Variants in LAMC3 observed in about 807,000 individuals in gnomAD.
LAMC3 encodes the protein laminin subunit gamma-3.
LAMC3 carries 128 observed loss-of-function variants against 173.8 expected under a neutral mutation model. The ratio of observed to expected loss-of-function variants is 0.74; its 90% confidence interval spans 0.64 to 0.85. LAMC3 has a LOEUF of 0.85. Ranked by LOEUF, LAMC3 falls within the 40% of genes least tolerant of loss-of-function variation. LAMC3 has a pLI of 0.00. For synonymous variants in LAMC3, 897 were observed against 909.1 expected, an observed-to-expected ratio of 0.99 and a Z score of 0.24; for missense variants, 2,022 against 2,156.0, an observed-to-expected ratio of 0.94 and a Z score of 1.23.
At chr9:131,074,372 C>T (rs1413509353) in intron 20 of LAMC3, among the ~76,000 whole-genome samples, 1 of 152,000 alleles carries the variant, frequency 6.6e-6, no homozygotes, top group Non-Finnish European at 1.5e-5. Context: ...TGTTAACAGA[C>T]ACTTGGGTTG....
At position 131,052,956 on chromosome 9, in the gene LAMC3, A is replaced by G. The variant is rs1411103317; in HGVS notation, c.1930A>G (p.Ser644Gly). The change falls in exon 11 of 28, where the codon AGC becomes GGC. Residue 644 changes from serine (S) to glycine (G), a missense_variant. Transcript: ENST00000361069. The stretch of plus-strand genomic sequence containing the variant: ...CCGCCTCCGCGTCAGTCCCGGCCCC[A>G]GCCCTGCCGGTCAGTAAAGACAACC... ...SLRLRVSPGPSPAGPVFLTEV... is the reference protein window; with the variant it reads ...SLRLRVSPGPGPAGPVFLTEV... The G allele has an allele frequency of 3.1e-6, 5 of 1,612,086 alleles. No homozygotes were observed. The South Asian group carries it at 3.3e-5, about 11-fold the overall frequency.
rs112850747 is a variant in LAMC3, at chr9:131,039,048, G to C, written c.1161G>C (p.Ser387=). Residue 387 remains serine (S), a synonymous_variant, in exon 5 of 28, where the codon TCG becomes TCC. Coordinates refer to ENST00000361069, the MANE Select transcript of LAMC3 (RefSeq NM_006059.4). ...RMPCQPCDCQ[S]AGSLHLQCDD... is the part of the protein sequence containing the mutation. Reference sequence around the variant, plus strand: ...CATGCCAGCCCTGTGACTGCCAGTCGGCAGGTGAGTGGACTCCACATCCCC... The same window carrying C: ...CATGCCAGCCCTGTGACTGCCAGTCCGCAGGTGAGTGGACTCCACATCCCC... 1.7e-5 allele frequency: 27 copies of C among 1,613,126 alleles called. No homozygotes were observed. The highest frequency in any genetic ancestry group is 1.6e-4 in the African/African-American group (12 of 75,006).
In LAMC3 at chr9:131,057,011, A is replaced by G. The variant is rs889347911; in HGVS notation, c.2022A>G (p.Ser674=). The change falls in exon 12 of 28, where the codon TCA becomes TCG. Residue 674 remains serine (S), a synonymous_variant. Transcript: ENST00000361069. ...SPPASWVEIC[S]CPTGYTGQFC... ...CAGCCTCCTGGGTGGAGATTTGTTC[A>G]TGTCCCACTGGCTACACGGGCCAGT... The G allele has an allele frequency of 6.2e-7, 1 of 1,614,068 alleles. No homozygotes were observed. The highest frequency in any genetic ancestry group is 8.5e-7 in the Non-Finnish European group (1 of 1,180,014).
chr9:131,066,837 C>G, intron 13 of LAMC3, 123 bp from the exon 14 acceptor site: 1 of 1,355,332 alleles, frequency 7.4e-7, no homozygotes, highest in Non-Finnish European at 1.0e-6. Context: ...GTCCCAGGTC[C>G]TCCTGCCCAA....
chr9:131,023,576 T>C (rs930501564), intron 1 of LAMC3, among the ~76,000 whole-genome samples: 3 of 152,230 alleles, frequency 2.0e-5, no homozygotes, highest in Non-Finnish European at 4.4e-5. Flanking sequence ...TATATCCACT[T>C]TGCAGAAATG....
chr9:131,058,963 CAA>C (rs1430706566), intron 12 of LAMC3, among the ~76,000 whole-genome samples: 8 of 150,778 alleles, frequency 5.3e-5, no homozygotes, highest in East Asian at 3.9e-4. Flanking sequence ...TTTGGGAGGC[CAA>C]GGCAGGTGGA....
At chr9:131,021,148 A>T (rs1833616765) in intron 1 of LAMC3, 1 of 152,076 alleles carries the variant, frequency 6.6e-6, no homozygotes, top group Non-Finnish European at 1.5e-5. Context: ...GAGTTGCAAA[A>T]ATTCTCTCTC....
chr9:131,041,624 G>A lies in LAMC3; in HGVS notation c.1284-13G>A, dbSNP rs747648800. On this transcript the variant is annotated splice_polypyrimidine_tract_variant and intron_variant, in intron 6 of 27. Coordinates refer to ENST00000361069, the MANE Select transcript of LAMC3 (RefSeq NM_006059.4). The stretch of plus-strand genomic sequence containing the variant: ...TCATTGCACATTTTCCTCTTGTCCT[G>A]TCTCATTGGCAGACCCTGCACTTGC... The A allele has an allele frequency of 1.2e-6, 2 of 1,612,752 alleles. No individual in the cohort carries two copies. Among genetic ancestry groups the A allele is most frequent in the African/African-American group, 1.3e-5 (1 of 74,926 alleles).
chr9:131,050,747 G>A (rs1190960615), intron 9 of LAMC3, among the ~76,000 whole-genome samples: 4 of 150,322 alleles, frequency 2.7e-5, no homozygotes, highest in Admixed American at 6.6e-5. Flanking sequence ...CAGCCTGGGC[G>A]ACAGAGTGAG....
At chr9:131,065,353 CA>C (rs1405414335) in intron 13 of LAMC3, among the ~76,000 whole-genome samples, 9 of 152,230 alleles carry the variant, frequency 5.9e-5, no homozygotes, top group African/African-American at 1.9e-4. Context: ...AAGCCCAGGT[CA>C]AACCCAGAAA....
Position 131,072,454 on chromosome 9 carries a change from C to G in LAMC3, c.3212-176C>G, listed in dbSNP as rs1201986904. 2.0e-5 allele frequency among the ~76,000 whole-genome samples: 3 copies of G among 152,158 alleles called. No individual in the cohort carries two copies. In the East Asian group the frequency reaches 5.8e-4, roughly 29 times the overall value. On this transcript the variant is annotated intron_variant, in intron 18 of 27. Coordinates refer to ENST00000361069, the MANE Select transcript of LAMC3 (RefSeq NM_006059.4). ...GGACCTCGGGTCATGTTTGCCTTCTCTGGGCCTCGGCCTGCACCTGGAAAA... is the reference window on the plus strand; with the variant it reads ...GGACCTCGGGTCATGTTTGCCTTCTGTGGGCCTCGGCCTGCACCTGGAAAA...
At chr9:131,055,667 C>T (rs181952343) in intron 11 of LAMC3, among the ~76,000 whole-genome samples, 362 of 151,854 alleles carry the variant, frequency 2.4e-3, no homozygotes, top group African/African-American at 8.3e-3. Context: ...CCTTATGATT[C>T]GCCCGCCTCA....
In LAMC3 at chr9:131,087,816, G is replaced by C; in HGVS notation, c.4476G>C (p.Leu1492=). ...CCTTGTCAGAGCTGCTTGCCAGGCT[G>C]GGTAAGGAGGCCCTAAGGCTGGGCC... ...IETLSELLAR[L]GSLDTHQAPA... is the part of the protein sequence containing the mutation. The change falls in exon 27 of 28, where the codon CTG becomes CTC. Residue 1492 remains leucine (L), a splice_region_variant and synonymous_variant. Transcript: ENST00000361069. 1 of 1,613,696 alleles carries C rather than the reference G, an allele frequency of 6.2e-7. No individual in the cohort carries two copies. The highest frequency in any genetic ancestry group is 8.5e-7 in the Non-Finnish European group (1 of 1,179,824).
intron 27 of LAMC3, 103 bp downstream of exon 27, chr9:131,087,920 C>T (rs1830360367): frequency 2.3e-6 from 2 of 883,850 alleles, no homozygotes; most frequent in East Asian, 5.2e-5. Flanking sequence ...TCCTTGTCCT[C>T]ATTGCCATGC....
Position 131,077,180 on chromosome 9 carries a change from C to T in LAMC3, c.3630-7C>T, listed in dbSNP as rs1010987113. 6.2e-7 allele frequency: 1 copy of T among 1,613,186 alleles called. No homozygotes were observed. The highest frequency in any genetic ancestry group is 8.5e-7 in the Non-Finnish European group (1 of 1,180,016). On this transcript the variant is annotated splice_polypyrimidine_tract_variant and splice_region_variant and intron_variant, in intron 21 of 27. Coordinates refer to ENST00000361069, the MANE Select transcript of LAMC3 (RefSeq NM_006059.4). ...CACCCAGCTCCGTGGCCTCTGCTTCCTCCCAGGTACCAGGAGGTCCAGGCG... is the reference window on the plus strand; with the variant it reads ...CACCCAGCTCCGTGGCCTCTGCTTCTTCCCAGGTACCAGGAGGTCCAGGCG...
At position 131,086,575 on chromosome 9, in the gene LAMC3, C is replaced by CTTTTT. The variant is rs778812487; in HGVS notation, c.4230+860_4230+864dup. Reference sequence around the variant, plus strand: ...GGTGTGTGCCACTGTGCCTGGCTAACTTTTTTTTTTTTGCAGAGATGAGGA... The same window carrying CTTTTT: ...GGTGTGTGCCACTGTGCCTGGCTAACTTTTTTTTTTTTTTTTTGCAGAGATGAGGA... On this transcript the variant is annotated intron_variant, in intron 25 of 27. Coordinates refer to ENST00000361069, the MANE Select transcript of LAMC3 (RefSeq NM_006059.4). 3.7e-4 allele frequency among the ~76,000 whole-genome samples: 34 copies of CTTTTT among 92,480 alleles called. 3 individuals are homozygous for CTTTTT. Among genetic ancestry groups the CTTTTT allele is most frequent in the African/African-American group, 1.4e-3 (31 of 21,422 alleles). The allele number at this position is 92,480 out of a possible 152,430, so 60.7% of individuals were successfully genotyped here.
intron 20 of LAMC3, among the ~76,000 whole-genome samples, chr9:131,075,449 A>T (rs948090664): frequency 5.3e-5 from 8 of 151,590 alleles, no homozygotes; most frequent in African/African-American, 1.9e-4. Context: ...TTGTAATCCC[A>T]GCTACTCGGG....
intron 18 of LAMC3, among the ~76,000 whole-genome samples, chr9:131,071,958 G>A (rs7858204): frequency 0.11 from 17,279 of 152,114 alleles, 1,013 homozygotes; most frequent in South Asian, 0.16. Context: ...AGGCCAGCAC[G>A]GTGCTCAGCA....
chr9:131,012,721 TCCTTAGGC>T (rs1260125962), intron 1 of LAMC3, among the ~76,000 whole-genome samples: 2 of 152,182 alleles, frequency 1.3e-5, no homozygotes, highest in Non-Finnish European at 1.5e-5. Context: ...CTCCTCCTGG[TCCTTAGGC>T]CACCTCTGCT....
Sources: gnomAD v4.1 joint callset for allele counts (sites outside exome capture counted in the v4.1 genomes callset) on GRCh38, gnomAD v4.1.1 for gene constraint, MANE v1.5 for transcripts, NCBI Gene and HGNC (gene_info 2026-07-23, HGNC 2026-07-21) for gene names.